MACF1: variants seen among roughly 807,000 people sequenced by gnomAD.
The protein encoded by MACF1 is microtubule-actin cross-linking factor 1.
MACF1 carries 193 observed loss-of-function variants against 854.8 expected under a neutral mutation model. That is an observed-to-expected ratio of 0.23 (90% CI 0.20 to 0.25). The LOEUF is 0.25. Among genes scored for constraint, MACF1 ranks in the 10% least tolerant of loss-of-function variants. The pLI is 1.00. For synonymous variants in MACF1, 3,185 were observed against 3,226.7 expected, an observed-to-expected ratio of 0.99 and a Z score of 0.44; for missense variants, 7,722 against 8,929.1, an observed-to-expected ratio of 0.86 and a Z score of 5.45.
Position 39,442,461 on chromosome 1 carries a change from T to C in MACF1, c.18998T>C (p.Leu6333Ser). ...GCCCTTGGTCAGTTCCAGCATGCCT[T>C]AGAGGAACTAATGAGTTGGCTGACT... ...LLALGQFQHA[L>S]EELMSWLTHT... The change falls in exon 77 of 101, where the codon TTA becomes TCA. Residue 6333 changes from leucine (L) to serine (S), a missense_variant. Physicochemically the swap from Leu to Ser is moderately radical, Grantham distance 145 (BLOSUM62 -2). This residue lies in a region of MACF1 where 2,807 missense variants were observed against 3,235.8 expected (regional missense o/e 0.87). Coordinates refer to ENST00000564288, the MANE Select transcript of MACF1 (RefSeq NM_001394062.1). 6.2e-7 allele frequency: 1 copy of C among 1,614,190 alleles called. No homozygotes were observed. The highest frequency in any genetic ancestry group is 8.5e-7 in the Non-Finnish European group (1 of 1,180,032).
chr1:39,452,358 A>T lies in MACF1; in HGVS notation c.20613+8A>T. Reference sequence around the variant, plus strand: ...GAGCAGGCCTTAAAACAAGTAAGGGATATTTGCTGTCCCAACCCAAGGGAT... The same window carrying T: ...GAGCAGGCCTTAAAACAAGTAAGGGTTATTTGCTGTCCCAACCCAAGGGAT... On this transcript the variant is annotated splice_region_variant and intron_variant, in intron 86 of 100. Transcript: ENST00000564288. 3 of 1,610,922 alleles carry T rather than the reference A, an allele frequency of 1.9e-6. No individual in the cohort carries two copies. Among genetic ancestry groups the T allele is most frequent in the Non-Finnish European group, 2.5e-6 (3 of 1,178,186 alleles).
At position 39,378,406 on chromosome 1, in the gene MACF1, A is replaced by G. The variant is rs1054832444; in HGVS notation, c.13214-55A>G. 6 of 1,311,416 alleles carry G rather than the reference A, an allele frequency of 4.6e-6. No homozygotes were observed. In the South Asian group the frequency reaches 5.9e-5, roughly 13 times the overall value. The allele number at this position is 1,311,416 out of a possible 1,614,324, so 81.2% of individuals were successfully genotyped here. A position where few individuals can be genotyped will look rare whatever the true frequency, so the allele number is the denominator to read the frequency against. On this transcript the variant is annotated intron_variant, in intron 52 of 100. Transcript: ENST00000564288. ...GCCAAAGGACAAATTCAGTGCCTAT[A>G]TGTATTCCTAACACGTTGGTCTTGC...
At chr1:39,417,712 AATTTTTTTTT>A (rs1643371249) in intron 58 of MACF1, among the ~76,000 whole-genome samples, 1 of 68,488 alleles carries the variant, frequency 1.5e-5, no homozygotes, top group East Asian at 4.5e-4. Context: ...ACACCCAGTT[AATTTTTTTTT>A]TTTTTTTTTT....
At chr1:39,224,387 C>G (rs1434111102) in intron 1 of MACF1, among the ~76,000 whole-genome samples, 1 of 152,034 alleles carries the variant, frequency 6.6e-6, no homozygotes, top group Non-Finnish European at 1.5e-5. Context: ...AAGAAGAAGG[C>G]AGAAAACTAG....
intron 1 of MACF1, among the ~76,000 whole-genome samples, chr1:39,225,486 G>C (rs982349535): frequency 2.6e-5 from 4 of 152,058 alleles, no homozygotes; most frequent in African/African-American, 9.7e-5. Flanking sequence ...AAAGTGCTGG[G>C]ATTACAGGCG....
chr1:39,223,768 C>T (rs1469196550), intron 1 of MACF1, among the ~76,000 whole-genome samples: 2 of 152,106 alleles, frequency 1.3e-5, no homozygotes, highest in African/African-American at 4.8e-5. Context: ...CTGCCCGCTT[C>T]TGCCTCCCAA....
At chr1:39,402,040 C>T (rs1415545410) in intron 58 of MACF1, among the ~76,000 whole-genome samples, 3 of 152,046 alleles carry the variant, frequency 2.0e-5, no homozygotes, top group South Asian at 4.2e-4. Flanking sequence ...GGTAAAACCC[C>T]GTCTCTACTA....
In MACF1 at chr1:39,372,529, T is replaced by C. The variant is rs1454121882; in HGVS notation, c.13146T>C (p.Asn4382=). The C allele has an allele frequency of 1.2e-6, 2 of 1,613,902 alleles. No homozygotes were observed. The highest frequency in any genetic ancestry group is 1.7e-6 in the Non-Finnish European group (2 of 1,179,838). Residue 4382 remains asparagine (N), a synonymous_variant, in exon 52 of 101, where the codon AAT becomes AAC. Transcript: ENST00000564288. Reference sequence around the variant, plus strand: ...AGGGAACTCTGGTGGAAGAAATCAATTGCAAAGGTACTTCTTTAGAAAATC... The same window carrying C: ...AGGGAACTCTGGTGGAAGAAATCAACTGCAAAGGTACTTCTTTAGAAAATC... ...ASKGTLVEEI[N]CKGTSLENLI...
chr1:39,090,237 C>T (rs1168946644), intron 2 of MACF1, among the ~76,000 whole-genome samples: 1 of 152,250 alleles, frequency 6.6e-6, no homozygotes, highest in Non-Finnish European at 1.5e-5. Flanking sequence ...AGGAAGGCTC[C>T]TCCTCCTTCC....
chr1:39,424,299 G>T, intron 61 of MACF1, 105 bp downstream of exon 61: 2 of 891,098 alleles, frequency 2.2e-6, no homozygotes, highest in South Asian at 2.1e-5. Flanking sequence ...TTTTTGGAAG[G>T]TGTTTAATGG....
At chr1:39,253,509 A>ATTTTTTTTT (rs34578005) in intron 4 of MACF1, among the ~76,000 whole-genome samples, 3 of 91,524 alleles carry the variant, frequency 3.3e-5, no homozygotes, top group Non-Finnish European at 6.1e-5. Context: ...AGCTATCTGT[A>ATTTTTTTTT]TTTTTTTTTT....
rs1008774166 is a variant in MACF1 at position 39,310,999 on chromosome 1, A to G, written c.3269A>G (p.Glu1090Gly). Residue 1090 changes from glutamate (E) to glycine (G), a missense_variant and splice_region_variant, in exon 26 of 101, where the codon GAG (glutamate) becomes GGG (glycine). Glu to Gly is a moderately conservative substitution (Grantham distance 98). Around this residue, in one of 15 missense-constraint regions of MACF1, gnomAD observed 1,137 missense variants for 1,263.0 expected, o/e 0.90. Transcript: ENST00000564288. ...AATGCATTAAGGATTGCAGAGCAAGAGGTAAGCCCTAAGAGCCATGTGGAT... is the reference window on the plus strand; with the variant it reads ...AATGCATTAAGGATTGCAGAGCAAGGGGTAAGCCCTAAGAGCCATGTGGAT... ...QDNALRIAEQ[E>G]HTQEDLQQLR... 5.6e-6 allele frequency: 9 copies of G among 1,611,334 alleles called. No homozygotes were observed. In the Middle Eastern group the frequency reaches 6.8e-4, roughly 122 times the overall value.
At chr1:39,212,492 G>A (rs1328880039) in intron 1 of MACF1, among the ~76,000 whole-genome samples, 1 of 152,048 alleles carries the variant, frequency 6.6e-6, no homozygotes, top group Non-Finnish European at 1.5e-5. Context: ...GCAGATTTTG[G>A]TTCACTTTCC....
At chr1:39,480,895 T>A in intron 98 of MACF1, 25 bp from the exon 99 acceptor site, 1 of 1,292,736 alleles carries the variant, frequency 7.7e-7, no homozygotes, top group East Asian at 2.5e-5. Context: ...GTTCCTGTCC[T>A]TCCCTTTGGA....
At position 39,221,234 on chromosome 1, in the gene MACF1, T is replaced by C. The variant is rs111928813; in HGVS notation, c.110-9948T>C. Among the ~76,000 whole-genome samples, 736 of 152,234 alleles carry C rather than the reference T, an allele frequency of 4.8e-3. 5 individuals are homozygous for C. Among genetic ancestry groups the C allele is most frequent in the African/African-American group, 0.016 (677 of 41,530 alleles). ...CACCGAAAACGTAGTGAATAAAAAC[T>C]GCAATTGAATTTTATAGGGTTGTAG... On this transcript the variant is annotated intron_variant, in intron 1 of 100. Coordinates refer to ENST00000564288, the MANE Select transcript of MACF1 (RefSeq NM_001394062.1).
chr1:39,246,890 C>G (rs1012983815), intron 2 of MACF1, among the ~76,000 whole-genome samples: 1 of 149,568 alleles, frequency 6.7e-6, no homozygotes, highest in Admixed American at 6.7e-5. Flanking sequence ...ATTTTGTGAG[C>G]TGGTTGCTAA....
At chr1:39,226,979 G>C (rs1462427377) in intron 1 of MACF1, among the ~76,000 whole-genome samples, 3 of 152,170 alleles carry the variant, frequency 2.0e-5, no homozygotes, top group Non-Finnish European at 4.4e-5. Flanking sequence ...AAATGTAATG[G>C]ACACAACTTT....
At chr1:39,204,254 A>G (rs2148266001), upstream of MACF1, 1 of 152,366 alleles carries the variant, frequency 6.6e-6, no homozygotes, top group Middle Eastern at 3.4e-3. Context: ...CTGGGATTAC[A>G]GCCATGAACC....
At chr1:39,301,669 C>T (rs538594417) in intron 22 of MACF1, among the ~76,000 whole-genome samples, 17 of 152,118 alleles carry the variant, frequency 1.1e-4, no homozygotes, top group Non-Finnish European at 2.2e-4. Context: ...TCATGATCTG[C>T]CTGCCTCAGA....
Sources: allele counts gnomAD v4.1 joint callset (sites outside exome capture counted in the v4.1 genomes callset), GRCh38; gene constraint gnomAD v4.1.1; regional missense constraint gnomAD v4.1.1; transcripts MANE v1.5; gene names NCBI Gene and HGNC (gene_info 2026-07-23, HGNC 2026-07-21).